USP45: variants seen among roughly 807,000 people sequenced by gnomAD.
USP45 encodes ubiquitin carboxyl-terminal hydrolase 45.
A neutral mutation model predicts 95.8 loss-of-function variants in USP45; 89 were observed. The observed-to-expected ratio is 0.93, with a 90% CI of 0.78 to 1.11. The LOEUF is 1.11. Ranked by LOEUF, USP45 falls within the 50% of genes least tolerant of loss-of-function variation. The pLI is 0.00. For synonymous variants in USP45, 281 were observed against 316.2 expected, an observed-to-expected ratio of 0.89 and a Z score of 1.18; for missense variants, 898 against 942.5, an observed-to-expected ratio of 0.95 and a Z score of 0.62.
At chr6:99,510,050 T>C (rs891266044) in intron 2 of USP45, 71 bp downstream of exon 2, 3 of 1,184,560 alleles carry the variant, frequency 2.5e-6, no homozygotes, top group Non-Finnish European at 3.7e-6. Flanking sequence ...TTCAAACCCA[T>C]GTTGTTGAAG....
rs1456578348 is a variant in USP45, at chr6:99,461,315, C to T, written c.1308+3289G>A. The T allele has an allele frequency of 3.0e-6, 3 of 985,108 alleles. No individual in the cohort carries two copies. In the African/African-American group the frequency reaches 5.2e-5, roughly 17 times the overall value. The allele number at this position is 985,108 out of a possible 1,614,324, so 61.0% of individuals were successfully genotyped here. On this transcript the variant is annotated intron_variant, in intron 13 of 17. Transcript: ENST00000500704. ...AGGGGAAAGAAGGGAAGAAAAATAG[C>T]CTATGGAATAGACTTCACATAATAT...
chr6:99,461,609 A>G (rs536596665), intron 13 of USP45: 1 of 984,990 alleles, frequency 1.0e-6, no homozygotes, highest in East Asian at 1.1e-4. Context: ...TTTCTCAGCT[A>G]ATTTCACTAT....
chr6:99,478,514 A>T (rs1045128878), intron 8 of USP45, among the ~76,000 whole-genome samples: 28 of 152,254 alleles, frequency 1.8e-4, no homozygotes, highest in Admixed American at 1.8e-3. Flanking sequence ...ATGTACAAGC[A>T]TAAATTAGGA....
In USP45 at chr6:99,461,553, T is replaced by C. The variant is rs1021346895; in HGVS notation, c.1308+3051A>G. The C allele has an allele frequency of 2.9e-5, 29 of 985,302 alleles. No individual in the cohort carries two copies. The Admixed American group carries it at 6.8e-4, about 23-fold the overall frequency. 61.0% of individuals were successfully genotyped at this position (985,302 alleles called of 1,614,324 possible). A position where few individuals can be genotyped will look rare whatever the true frequency, so the allele number is the denominator to read the frequency against. ...ATCAGTAAGCAAAAGAAAATGCACT[T>C]TTTCAAGGTACTCAGAGATAACATC... is the stretch of plus-strand genomic sequence containing the variant. On this transcript the variant is annotated intron_variant, in intron 13 of 17. Coordinates refer to ENST00000500704, the MANE Select transcript of USP45 (RefSeq NM_001346022.3).
intron 5 of USP45, among the ~76,000 whole-genome samples, chr6:99,491,034 T>G (rs1795056183): frequency 6.6e-6 from 1 of 152,236 alleles, no homozygotes. Context: ...GTTATTGGAA[T>G]GTGTTCAGAT....
At chr6:99,515,466 TG>T (rs1330244855), upstream of USP45, 5 of 152,010 alleles carry the variant, frequency 3.3e-5, no homozygotes, top group Admixed American at 6.5e-5. Flanking sequence ...CCGGCAGAGG[TG>T]GGGCCTCGTT....
At chr6:99,511,297 G>A (rs890260749) in intron 1 of USP45, among the ~76,000 whole-genome samples, 17 of 151,736 alleles carry the variant, frequency 1.1e-4, no homozygotes, top group African/African-American at 3.1e-4. Flanking sequence ...GATTACAGGC[G>A]TGTGCCACCA....
rs766649792 is a variant in USP45, at chr6:99,435,715, G to A, written c.*1C>T. Reference sequence around the variant, plus strand: ...ACCTAAATAATCATTACCATTAATAGTTATAATACTCTTTCATAGAAAAGA... The same window carrying A: ...ACCTAAATAATCATTACCATTAATAATTATAATACTCTTTCATAGAAAAGA... On this transcript the variant is annotated 3_prime_UTR_variant, in exon 18 of 18. Coordinates refer to ENST00000500704, the MANE Select transcript of USP45 (RefSeq NM_001346022.3). 7 of 1,610,700 alleles carry A rather than the reference G, an allele frequency of 4.3e-6. No individual in the cohort carries two copies. In the African/African-American group the frequency reaches 5.3e-5, roughly 12 times the overall value.
intron 9 of USP45, among the ~76,000 whole-genome samples, 158 bp downstream of exon 9, chr6:99,475,985 C>T (rs530740186): frequency 3.9e-5 from 6 of 152,140 alleles, no homozygotes; most frequent in South Asian, 4.2e-4. Flanking sequence ...CCACCATGCG[C>T]GGCTAATTTT....
intron 16 of USP45, among the ~76,000 whole-genome samples, chr6:99,438,856 A>G (rs1403739069): frequency 6.6e-6 from 1 of 152,204 alleles, no homozygotes; most frequent in Non-Finnish European, 1.5e-5. Flanking sequence ...GGGTGCTGGA[A>G]GTTCATGGTA....
chr6:99,460,460 G>T (rs1223505386), intron 13 of USP45, among the ~76,000 whole-genome samples: 1 of 151,930 alleles, frequency 6.6e-6, no homozygotes, highest in Non-Finnish European at 1.5e-5. Flanking sequence ...TGTTTTACTT[G>T]GACTTTAAAA....
intron 5 of USP45, among the ~76,000 whole-genome samples, chr6:99,496,288 G>A (rs535781917): frequency 6.6e-6 from 1 of 151,928 alleles, no homozygotes; most frequent in East Asian, 1.9e-4. Context: ...TGCCCAGCAT[G>A]TATCACCTTT....
intron 13 of USP45, among the ~76,000 whole-genome samples, chr6:99,450,927 C>T (rs1410541512): frequency 3.3e-5 from 5 of 152,130 alleles, no homozygotes; most frequent in Non-Finnish European, 5.9e-5. Flanking sequence ...GAACCAAAGA[C>T]AAAAACCACA....
At chr6:99,481,197 C>T (rs543572405) in intron 8 of USP45, among the ~76,000 whole-genome samples, 12 of 152,194 alleles carry the variant, frequency 7.9e-5, no homozygotes, top group African/African-American at 2.9e-4. Context: ...TGTATTCATA[C>T]AAAACTGAGT....
At chr6:99,477,773 A>G (rs1296892072) in intron 8 of USP45, among the ~76,000 whole-genome samples, 1 of 152,210 alleles carries the variant, frequency 6.6e-6, no homozygotes, top group Non-Finnish European at 1.5e-5. Context: ...CTAGCAGCAC[A>G]TAGCAACATG....
At position 99,503,713 on chromosome 6, in the gene USP45, A is replaced by G. The variant is rs146098075; in HGVS notation, c.478+52T>C. ...TATTCTTTATGAATTTATGAACTCT[A>G]TATGAAATACTGTATTTTAACACAG... is the stretch of plus-strand genomic sequence containing the variant. On this transcript the variant is annotated intron_variant, in intron 5 of 17. Coordinates refer to ENST00000500704, the MANE Select transcript of USP45 (RefSeq NM_001346022.3). 2.7e-4 allele frequency: 325 copies of G among 1,209,568 alleles called. 2 individuals are homozygous for G. The East Asian group carries it at 7.1e-3, about 26-fold the overall frequency. 74.9% of individuals were successfully genotyped at this position (1,209,568 alleles called of 1,614,324 possible).
intron 13 of USP45, among the ~76,000 whole-genome samples, chr6:99,451,352 C>A (rs1562319686): frequency 6.6e-6 from 1 of 152,176 alleles, no homozygotes; most frequent in African/African-American, 2.4e-5. Flanking sequence ...GATACAAAAT[C>A]AACGTGCAAA....
In USP45 at chr6:99,503,819, CCTT is replaced by C; in HGVS notation, c.421_423del (p.Lys141del). 1 of 1,601,860 alleles carries C rather than the reference CCTT, an allele frequency of 6.2e-7. No individual in the cohort carries two copies. Among genetic ancestry groups the C allele is most frequent in the Non-Finnish European group, 8.5e-7 (1 of 1,174,398 alleles). ...AGAAAATCAACTATCTGAGCCAAAA[CCTT>C]CTTATTACAATGCGTTGATAATTTT... On this transcript the variant is annotated inframe_deletion, in exon 5 of 18. Transcript: ENST00000500704.
At position 99,432,823 on chromosome 6, in the gene USP45, C is replaced by T. The variant is rs1010689487; in HGVS notation, c.*2893G>A. 6.6e-6 allele frequency: 1 copy of T among 152,600 alleles called. No homozygotes were observed. The highest frequency in any genetic ancestry group is 1.5e-5 in the Non-Finnish European group (1 of 68,030). 9.5% of individuals were successfully genotyped at this position (152,600 alleles called of 1,614,324 possible). On this transcript the variant is annotated 3_prime_UTR_variant, in exon 18 of 18. Coordinates refer to ENST00000500704, the MANE Select transcript of USP45 (RefSeq NM_001346022.3). ...TACAAAAATTAGATGAGGGTTGATA[C>T]ATTTCACAGCTTAATCTTCAGAAAA... is the stretch of plus-strand genomic sequence containing the variant.
Sources: gnomAD v4.1 joint callset for allele counts (sites outside exome capture counted in the v4.1 genomes callset) on GRCh38, gnomAD v4.1.1 for gene constraint, MANE v1.5 for transcripts, NCBI Gene and HGNC (gene_info 2026-07-23, HGNC 2026-07-21) for gene names.